The following COL25A1 variants were observed in gnomAD, a reference collection of about 807,000 sequenced individuals.
The protein encoded by COL25A1 is collagen type XXV alpha 1 chain, also known as collagen alpha-1(XXV) chain.
COL25A1 carries 103 observed loss-of-function variants against 128.4 expected under a neutral mutation model. The observed-to-expected ratio is 0.80, with a 90% CI of 0.68 to 0.94. The LOEUF (loss-of-function observed/expected upper bound fraction) is 0.94. COL25A1 is among the 40% of genes least tolerant of loss of function. The probability of loss-of-function intolerance (pLI) is 0.00; values close to 1 mark genes in which losing one functional copy is unlikely to be tolerated. For synonymous variants in COL25A1, 279 were observed against 277.2 expected (o/e 1.01, Z -0.06); for missense variants, 745 against 840.0 (o/e 0.89, Z 1.40).
At chr4:109,275,579 T>C (rs538368082) in intron 3 of COL25A1, among the ~76,000 whole-genome samples, 24 of 152,270 alleles carry the variant, frequency 1.6e-4, no homozygotes, top group African/African-American at 5.8e-4. Flanking sequence ...GGAAAAGAAA[T>C]GAGGATGGCT....
At chr4:108,927,120 T>C (rs964804830) in intron 11 of COL25A1, among the ~76,000 whole-genome samples, 1 of 152,116 alleles carries the variant, frequency 6.6e-6, no homozygotes, top group African/African-American at 2.4e-5. Context: ...CATATCCTTC[T>C]CCGATCAGTC....
intron 3 of COL25A1, among the ~76,000 whole-genome samples, chr4:109,131,561 G>T (rs898725048): frequency 6.6e-6 from 1 of 152,168 alleles, no homozygotes; most frequent in Non-Finnish European, 1.5e-5. Context: ...TACGGTGAGG[G>T]GGAGTTCATG....
At chr4:109,195,508 T>C (rs1775966027) in intron 3 of COL25A1, among the ~76,000 whole-genome samples, 1 of 152,210 alleles carries the variant, frequency 6.6e-6, no homozygotes, top group Admixed American at 6.5e-5. Flanking sequence ...TGCCTGGACA[T>C]ATAATTAGAA....
chr4:109,174,558 T>A (rs1010233050), intron 3 of COL25A1, among the ~76,000 whole-genome samples: 1 of 152,060 alleles, frequency 6.6e-6, no homozygotes, highest in Admixed American at 6.6e-5. Flanking sequence ...TGCTCCTGGG[T>A]GCAACCCCTC....
chr4:108,961,382 AAAC>A (rs1297194624), intron 8 of COL25A1, among the ~76,000 whole-genome samples: 2 of 152,250 alleles, frequency 1.3e-5, no homozygotes, highest in Non-Finnish European at 2.9e-5. Context: ...ACAATATTTT[AAAC>A]AACTGGCTAT....
intron 3 of COL25A1, among the ~76,000 whole-genome samples, chr4:109,091,186 T>G (rs1238363976): frequency 6.6e-6 from 1 of 152,220 alleles, no homozygotes; most frequent in Non-Finnish European, 1.5e-5. Context: ...CCTTCATTTC[T>G]AACTTGTTTG....
At chr4:108,891,325 G>A (rs1002841964) in intron 16 of COL25A1, among the ~76,000 whole-genome samples, 1 of 152,132 alleles carries the variant, frequency 6.6e-6, no homozygotes, top group African/African-American at 2.4e-5. Context: ...AAATTAAAAT[G>A]TAACTAAACA....
intron 3 of COL25A1, among the ~76,000 whole-genome samples, chr4:109,223,430 G>A (rs1778563430): frequency 6.6e-6 from 1 of 151,506 alleles, no homozygotes; most frequent in South Asian, 2.1e-4. Context: ...ACTAATGATA[G>A]TTCTATGTCT....
Position 108,958,827 on chromosome 4 carries a change from A to C in COL25A1, c.492+15540T>G, listed in dbSNP as rs140032983. Among the ~76,000 whole-genome samples the C allele has an allele frequency of 4.7e-3, 719 of 152,230 alleles. 14 individuals carry two copies. The East Asian group carries it at 0.063, about 13-fold the overall frequency. ...CTTGATGTAAAACTACCAAGTTTAA[A>C]CTATACTAATTTTAATCTTTGAGCA... On this transcript the variant is annotated intron_variant, in intron 8 of 37. Coordinates refer to ENST00000399132, the MANE Select transcript of COL25A1 (RefSeq NM_198721.4).
At chr4:109,001,372 C>CAGGCATCTGAGATCCTGTCATGT (rs1755352479) in intron 6 of COL25A1, among the ~76,000 whole-genome samples, 1 of 24,148 alleles carries the variant, frequency 4.1e-5, no homozygotes, top group Non-Finnish European at 1.3e-4. Context: ...TTAAAAGAAA[C>CAGGCATCTGAGATCCTGTCATGT]AGGCATCTGA....
intron 37 of COL25A1, among the ~76,000 whole-genome samples, chr4:108,816,079 T>C (rs1456864723): frequency 6.6e-6 from 1 of 152,194 alleles, no homozygotes; most frequent in Non-Finnish European, 1.5e-5. Flanking sequence ...GGGATAGTTT[T>C]CTCAGGTGAA....
At chr4:108,843,070 G>T (rs528486242) in intron 30 of COL25A1, among the ~76,000 whole-genome samples, 1 of 147,712 alleles carries the variant, frequency 6.8e-6, no homozygotes, top group South Asian at 2.2e-4. Context: ...GATCACCTGA[G>T]CCTAGGAGGT....
chr4:109,294,373 TCTCA>T (rs1724768568), intron 3 of COL25A1, among the ~76,000 whole-genome samples: 1 of 152,120 alleles, frequency 6.6e-6, no homozygotes. Flanking sequence ...TACTTCTGCT[TCTCA>T]CTCTTCTATA....
chr4:108,872,982 C>T (rs1738952280), intron 19 of COL25A1, among the ~76,000 whole-genome samples: 2 of 151,716 alleles, frequency 1.3e-5, no homozygotes, highest in African/African-American at 4.8e-5. Context: ...AGGCTTGATC[C>T]CCTGGGCTCA....
Position 108,824,212 on chromosome 4 carries a change from G to C in COL25A1, c.1807C>G (p.Arg603Gly). 1 of 1,613,106 alleles carries C rather than the reference G, an allele frequency of 6.2e-7. No homozygotes were observed. The highest frequency in any genetic ancestry group is 1.1e-5 in the South Asian group (1 of 90,952). The change falls in exon 35 of 38, where the codon CGG becomes GGG. Residue 603 changes from arginine to glycine, a missense_variant. Around this residue, in one of 3 missense-constraint regions of COL25A1, gnomAD observed 387 missense variants for 441.9 expected, o/e 0.88. Coordinates refer to ENST00000399132, the MANE Select transcript of COL25A1 (RefSeq NM_198721.4). ...EPGLDGFPGP[R>G]GEKGDLGEKG... ...TCTCCTAGATCACCCTTCTCACCCC[G>C]TGGACCAGGGAAGCCCTGTAAGATA...
At chr4:108,868,358 A>G (rs1383766606) in intron 20 of COL25A1, among the ~76,000 whole-genome samples, 1 of 152,124 alleles carries the variant, frequency 6.6e-6, no homozygotes, top group Admixed American at 6.5e-5. Context: ...TAATGGGTAG[A>G]TTAAGCTGCT....
intron 3 of COL25A1, among the ~76,000 whole-genome samples, chr4:109,076,895 G>A (rs1375218053): frequency 6.6e-6 from 1 of 152,238 alleles, no homozygotes; most frequent in Admixed American, 6.5e-5. Context: ...GACAGGAGGT[G>A]GCGCTCAGGC....
chr4:108,852,168 T>C (rs1735859989), intron 26 of COL25A1, 68 bp downstream of exon 26: 3 of 1,180,642 alleles, frequency 2.5e-6, no homozygotes, highest in African/African-American at 1.6e-5. Context: ...TTTTCAAAGA[T>C]GCATATACTT....
intron 5 of COL25A1, among the ~76,000 whole-genome samples, chr4:109,020,607 A>T (rs1217437727): frequency 6.6e-6 from 1 of 151,980 alleles, no homozygotes. Flanking sequence ...TTAAAAATCT[A>T]CTCATGTTTA....
Sources: gnomAD v4.1 joint callset for allele counts (sites outside exome capture counted in the v4.1 genomes callset) on GRCh38, gnomAD v4.1.1 for gene constraint, gnomAD v4.1.1 regional missense constraint, MANE v1.5 for transcripts, NCBI Gene and HGNC (gene_info 2026-07-23, HGNC 2026-07-21) for gene names.